SYCP1: variants seen among roughly 807,000 people sequenced by gnomAD.
SYCP1 encodes synaptonemal complex protein 1, also known as cancer/testis antigen 8.
Under a neutral mutation model 153.1 loss-of-function variants are expected in SYCP1, and 64 were observed. The observed-to-expected ratio is 0.42, with a 90% CI of 0.34 to 0.51. The LOEUF (loss-of-function observed/expected upper bound fraction) is 0.51, where lower values mean the gene tolerates loss of function less well. SYCP1 is among the 20% of genes least tolerant of loss of function. The pLI, the probability that SYCP1 is intolerant of heterozygous loss-of-function variation, is 0.06. For synonymous variants in SYCP1, 384 were observed against 341.8 expected (o/e 1.12, Z -1.36); for missense variants, 997 against 1,049.0 (o/e 0.95, Z 0.68).
At chr1:114,897,094 C>A (rs901732538) in intron 16 of SYCP1, among the ~76,000 whole-genome samples, 5 of 152,086 alleles carry the variant, frequency 3.3e-5, no homozygotes, top group African/African-American at 1.2e-4. Context: ...CCGGGGAGAC[C>A]TTTTTACTTG....
intron 28 of SYCP1, among the ~76,000 whole-genome samples, chr1:114,979,988 G>A (rs747935700): frequency 6.6e-6 from 1 of 151,684 alleles, no homozygotes; most frequent in Non-Finnish European, 1.5e-5. Context: ...TTCAAATTTT[G>A]TCCTTGTATT....
At chr1:114,932,415 A>G (rs1266756649) in intron 23 of SYCP1, among the ~76,000 whole-genome samples, 1 of 152,218 alleles carries the variant, frequency 6.6e-6, no homozygotes, top group East Asian at 1.9e-4. Flanking sequence ...TGGTTAAAAT[A>G]TTGGCAAAGG....
intron 27 of SYCP1, among the ~76,000 whole-genome samples, chr1:114,951,081 C>T (rs1457823579): frequency 1.3e-5 from 2 of 152,144 alleles, no homozygotes; most frequent in Admixed American, 1.3e-4. Flanking sequence ...GCCTCAGCCC[C>T]CCAAAGTGCT....
intron 16 of SYCP1, among the ~76,000 whole-genome samples, chr1:114,898,724 T>C (rs1187379282): frequency 6.6e-6 from 1 of 152,242 alleles, no homozygotes; most frequent in Non-Finnish European, 1.5e-5. Flanking sequence ...TTTAGTCTTA[T>C]ACTTGGCCTG....
At chr1:114,944,521 A>G in intron 24 of SYCP1, 66 bp downstream of exon 24, 1 of 971,446 alleles carries the variant, frequency 1.0e-6, no homozygotes, top group Non-Finnish European at 1.5e-6. Context: ...TAGGATTTTA[A>G]GAGGAAAGTA....
At chr1:114,885,979 G>C (rs545667553) in intron 13 of SYCP1, 146 bp from the exon 14 acceptor site, 1 of 535,434 alleles carries the variant, frequency 1.9e-6, no homozygotes, top group South Asian at 3.3e-5. Flanking sequence ...AAGAGTAGTG[G>C]GTGGGCATTC....
At chr1:114,908,281 A>G (rs1252503637) in intron 16 of SYCP1, among the ~76,000 whole-genome samples, 2 of 151,278 alleles carry the variant, frequency 1.3e-5, no homozygotes, top group Non-Finnish European at 2.9e-5. Flanking sequence ...CATGTTTTCT[A>G]ATGAGAGACT....
intron 23 of SYCP1, among the ~76,000 whole-genome samples, chr1:114,937,244 A>T (rs1404217014): frequency 6.6e-6 from 1 of 152,194 alleles, no homozygotes; most frequent in Non-Finnish European, 1.5e-5. Context: ...AATACCACAC[A>T]TCTACAACCA....
chr1:114,949,447 A>C (rs1670950418), intron 27 of SYCP1, among the ~76,000 whole-genome samples: 1 of 152,164 alleles, frequency 6.6e-6, no homozygotes, highest in Admixed American at 6.5e-5. Flanking sequence ...ACATTACTTC[A>C]AGGAGATAAA....
intron 27 of SYCP1, among the ~76,000 whole-genome samples, chr1:114,951,446 T>G (rs1671099795): frequency 6.6e-6 from 1 of 152,218 alleles, no homozygotes; most frequent in Non-Finnish European, 1.5e-5. Flanking sequence ...GAATTATTAT[T>G]AAACTTAAGA....
At chr1:114,856,760 G>A in intron 3 of SYCP1, 103 bp downstream of exon 3, 1 of 852,744 alleles carries the variant, frequency 1.2e-6, no homozygotes, top group Non-Finnish European at 1.8e-6. Context: ...AAGTATAATT[G>A]ACACAAAAGC....
At chr1:114,899,498 C>T (rs1667276985) in intron 16 of SYCP1, among the ~76,000 whole-genome samples, 1 of 152,092 alleles carries the variant, frequency 6.6e-6, no homozygotes, top group African/African-American at 2.4e-5. Context: ...AGTTATCAGA[C>T]CTGTATTTGA....
intron 17 of SYCP1, among the ~76,000 whole-genome samples, chr1:114,911,080 C>T (rs360657): frequency 1 from 151,972 of 152,080 alleles, 75,934 homozygotes; most frequent in Middle Eastern, 1. Flanking sequence ...TGTCTTTTTA[C>T]AATAATAAGA....
intron 19 of SYCP1, 83 bp downstream of exon 19, chr1:114,913,233 C>G: frequency 9.1e-7 from 1 of 1,093,094 alleles, no homozygotes. Context: ...GACCCTTTGA[C>G]CTTTAAAGTC....
At chr1:114,880,407 A>G (rs1429877625) in intron 12 of SYCP1, among the ~76,000 whole-genome samples, 2 of 151,732 alleles carry the variant, frequency 1.3e-5, no homozygotes, top group Admixed American at 1.3e-4. Context: ...GTGCCCTGTA[A>G]TTTTTAAAAT....
At chr1:114,955,834 G>C (rs1671400038) in intron 27 of SYCP1, among the ~76,000 whole-genome samples, 1 of 152,288 alleles carries the variant, frequency 6.6e-6, no homozygotes, top group Middle Eastern at 3.4e-3. Context: ...TTTGCTCCCA[G>C]GTTCAAGCCC....
chr1:114,991,828 GA>G (rs1557858640), intron 30 of SYCP1, among the ~76,000 whole-genome samples: 1 of 151,672 alleles, frequency 6.6e-6, no homozygotes, highest in African/African-American at 2.4e-5. Flanking sequence ...AAAAATAATA[GA>G]AGGCATTCAG....
chr1:114,895,659 AT>A (rs945651957), intron 16 of SYCP1, 150 bp downstream of exon 16: 10 of 426,784 alleles, frequency 2.3e-5, no homozygotes, highest in South Asian at 2.1e-4. Context: ...GTAAAGATGC[AT>A]TTTTTAGACC....
intron 27 of SYCP1, among the ~76,000 whole-genome samples, chr1:114,975,293 A>G (rs775204263): frequency 5.3e-5 from 8 of 150,924 alleles, no homozygotes; most frequent in Non-Finnish European, 1.0e-4. Flanking sequence ...ATTTTTCACT[A>G]CATATTCACT....
Sources: gnomAD v4.1 joint callset for allele counts (sites outside exome capture counted in the v4.1 genomes callset) on GRCh38, gnomAD v4.1.1 for gene constraint, MANE v1.5 for transcripts, NCBI Gene and HGNC (gene_info 2026-07-23, HGNC 2026-07-21) for gene names.